FBXL19: variants seen among roughly 807,000 people sequenced by gnomAD.
The protein encoded by FBXL19 is F-box/LRR-repeat protein 19.
In FBXL19, 16 loss-of-function variants were observed where a neutral mutation model predicts 71.2. That is an observed-to-expected ratio of 0.22 (90% CI 0.15 to 0.34). The LOEUF (loss-of-function observed/expected upper bound fraction) is 0.34, where lower values mean the gene tolerates loss of function less well. Ranked by LOEUF, FBXL19 falls within the 10% of genes least tolerant of loss-of-function variation. FBXL19 has a pLI of 1.00. For missense variants in FBXL19, 658 were observed against 968.2 expected (o/e 0.68, Z 4.25); for synonymous variants, 447 against 409.4 (o/e 1.09, Z -1.11).
At chr16:30,933,696 C>A (rs2055700022) in intron 7 of FBXL19, among the ~76,000 whole-genome samples, 1 of 151,888 alleles carries the variant, frequency 6.6e-6, no homozygotes, top group Non-Finnish European at 1.5e-5. Flanking sequence ...AGTGATCCTT[C>A]CACCTTGGCC....
chr16:30,939,772 G>C (rs1403657599), intron 7 of FBXL19, among the ~76,000 whole-genome samples: 1 of 151,988 alleles, frequency 6.6e-6, no homozygotes, highest in South Asian at 2.1e-4. Flanking sequence ...ATCATGTTAC[G>C]CAGATAAGTG....
rs971858687 is a variant in FBXL19 at position 30,948,684 on chromosome 16, G to C, written c.*1454G>C. 1.8e-4 allele frequency: 27 copies of C among 152,322 alleles called. 1 individual carries two copies. The highest frequency in any genetic ancestry group is 7.2e-4 in the Admixed American group (11 of 15,288). The allele number at this position is 152,322 out of a possible 1,614,324, so 9.4% of individuals were successfully genotyped here. On this transcript the variant is annotated 3_prime_UTR_variant, in exon 11 of 11. Transcript: ENST00000338343. ...GGCCGCTTGGGGGAGGGAAGAGGCAGCCCGGCGAGGGGCAAGCGGGGGACC... is the reference window on the plus strand; with the variant it reads ...GGCCGCTTGGGGGAGGGAAGAGGCACCCCGGCGAGGGGCAAGCGGGGGACC...
chr16:30,944,559 A>T (rs1047742496), intron 9 of FBXL19, among the ~76,000 whole-genome samples: 1 of 152,056 alleles, frequency 6.6e-6, no homozygotes, highest in African/African-American at 2.4e-5. Flanking sequence ...CATGGTGTAT[A>T]TGTACCACAT....
chr16:30,928,396 C>G (rs2072068330), intron 5 of FBXL19, 71 bp from the exon 6 acceptor site: 1 of 1,428,362 alleles, frequency 7.0e-7, no homozygotes, highest in Non-Finnish European at 9.3e-7. Flanking sequence ...GGGCATGGAC[C>G]TTAGATTTCT....
At chr16:30,939,860 G>A (rs2055782311) in intron 7 of FBXL19, among the ~76,000 whole-genome samples, 1 of 152,086 alleles carries the variant, frequency 6.6e-6, no homozygotes, top group Admixed American at 6.6e-5. Flanking sequence ...GAGTCATGAG[G>A]GCAGGGAGGG....
At chr16:30,945,828 A>AGAGCAAGAC (rs914063752) in intron 9 of FBXL19, among the ~76,000 whole-genome samples, 1 of 143,792 alleles carries the variant, frequency 7.0e-6, no homozygotes, top group African/African-American at 2.7e-5. Flanking sequence ...CCTGGGTGAC[A>AGAGCAAGAC]GAGCAAGACT....
chr16:30,923,035 G>A (rs2055540769), upstream of FBXL19: 1 of 456,880 alleles, frequency 2.2e-6, no homozygotes, highest in Non-Finnish European at 4.4e-6. Flanking sequence ...TACTAGTCAG[G>A]TGTATGTCCC....
In FBXL19 at chr16:30,942,346, C is replaced by T. The variant is rs1349033844; in HGVS notation, c.1466-29C>T. 4 of 1,605,638 alleles carry T rather than the reference C, an allele frequency of 2.5e-6. No homozygotes were observed. The highest frequency in any genetic ancestry group is 2.7e-5 in the African/African-American group (2 of 74,932). ...GGCCTGGGATGGAGTCCTCACAGCACCTGCTTCCTGACTGCCCCCTCTCCG... is the reference window on the plus strand; with the variant it reads ...GGCCTGGGATGGAGTCCTCACAGCATCTGCTTCCTGACTGCCCCCTCTCCG... On this transcript the variant is annotated intron_variant, in intron 8 of 10. Transcript: ENST00000338343. This position sits in a 1 kb window ranked among gnomAD's most constrained non-coding sequence, Gnocchi z 5.7.
chr16:30,944,968 C>G (rs2055842969), intron 9 of FBXL19, among the ~76,000 whole-genome samples: 1 of 152,186 alleles, frequency 6.6e-6, no homozygotes, highest in Non-Finnish European at 1.5e-5. Flanking sequence ...CCACCCAGCT[C>G]CCCTCAGTCA....
chr16:30,925,642 T>C lies in FBXL19; in HGVS notation c.-24-89T>C. On this transcript the variant is annotated intron_variant, in intron 1 of 10. Coordinates refer to ENST00000338343, the MANE Select transcript of FBXL19 (RefSeq NM_001382779.1). This position sits in a 1 kb window ranked among gnomAD's most constrained non-coding sequence, Gnocchi z 5.0. ...TCCCCCTGAGGAAGAGGGCAGGCTC[T>C]AGCTGCCTGTAGGTGGAGGGACCTG... 7.5e-7 allele frequency: 1 copy of C among 1,334,230 alleles called. No homozygotes were observed. The highest frequency in any genetic ancestry group is 9.6e-7 in the Non-Finnish European group (1 of 1,037,284). 82.6% of individuals were successfully genotyped at this position (1,334,230 alleles called of 1,614,324 possible). A position where few individuals can be genotyped will look rare whatever the true frequency, so the allele number is the denominator to read the frequency against.
In FBXL19 at chr16:30,930,122, C is replaced by T. The variant is rs565184862; in HGVS notation, c.839C>T (p.Pro280Leu). 23 of 1,613,572 alleles carry T rather than the reference C, an allele frequency of 1.4e-5. 1 individual carries two copies. In the East Asian group the frequency reaches 2.5e-4, roughly 17 times the overall value. The change falls in exon 7 of 11, where the codon CCG becomes CTG. Residue 280 changes from proline (P) to leucine (L), a missense_variant. Around this residue, in one of 8 missense-constraint regions of FBXL19, gnomAD observed 447 missense variants for 515.4 expected, o/e 0.87. Coordinates refer to ENST00000338343, the MANE Select transcript of FBXL19 (RefSeq NM_001382779.1). The surrounding 1 kb of genome is among the most constrained non-coding windows in gnomAD (Gnocchi z 8.5). ...GCAGAGGGCCCAGCGGTGCCGTCCC[C>T]GTCCCCGCAGAGGGAGAAGCTAGAG... ...ASAEGPAVPSPSPQREKLERF... is the reference protein window; with the variant it reads ...ASAEGPAVPSLSPQREKLERF...
In FBXL19 at chr16:30,947,580, T is replaced by C. The variant is rs1271961184; in HGVS notation, c.*350T>C. On this transcript the variant is annotated 3_prime_UTR_variant, in exon 11 of 11. Coordinates refer to ENST00000338343, the MANE Select transcript of FBXL19 (RefSeq NM_001382779.1). ...ATGGGGAAAGGACACACACAGGATATGGGAGCCAGGGGCTGGGGGAGGTGG... is the reference window on the plus strand; with the variant it reads ...ATGGGGAAAGGACACACACAGGATACGGGAGCCAGGGGCTGGGGGAGGTGG... 2 of 251,138 alleles carry C rather than the reference T, an allele frequency of 8.0e-6. No individual in the cohort carries two copies. The highest frequency in any genetic ancestry group is 7.1e-5 in the Admixed American group (1 of 14,020). 15.6% of individuals were successfully genotyped at this position (251,138 alleles called of 1,614,324 possible).
rs2055663097 is a variant in FBXL19, at chr16:30,930,671, G to T, written c.1301+87G>T. The T allele has an allele frequency of 7.4e-7, 1 of 1,350,890 alleles. No individual in the cohort carries two copies. The highest frequency in any genetic ancestry group is 3.4e-5 in the Admixed American group (1 of 28,986). 83.7% of individuals were successfully genotyped at this position (1,350,890 alleles called of 1,614,324 possible). A position where few individuals can be genotyped will look rare whatever the true frequency, so the allele number is the denominator to read the frequency against. ...TGCGGTAGGTCTCTGGCCCTCTCTG[G>T]GCCTTGCTTTTATATTGGGGATACT... is the stretch of plus-strand genomic sequence containing the variant. On this transcript the variant is annotated intron_variant, in intron 7 of 10. Coordinates refer to ENST00000338343, the MANE Select transcript of FBXL19 (RefSeq NM_001382779.1). The surrounding 1 kb of genome is among the most constrained non-coding windows in gnomAD (Gnocchi z 8.5).
Position 30,925,028 on chromosome 16 carries a change from C to A in FBXL19, c.-25+569C>A, listed in dbSNP as rs2055574083. Among the ~76,000 whole-genome samples, 1 of 152,144 alleles carries A rather than the reference C, an allele frequency of 6.6e-6. No homozygotes were observed. Among genetic ancestry groups the A allele is most frequent in the Non-Finnish European group, 1.5e-5 (1 of 68,018 alleles). On this transcript the variant is annotated intron_variant, in intron 1 of 10. Transcript: ENST00000338343. This position sits in a 1 kb window ranked among gnomAD's most constrained non-coding sequence, Gnocchi z 5.0. ...GAGGAGGGTGTCCTGGAGGAGGGAA[C>A]CCTGTGGGGAACAAGAGGGGCTGAG...
chr16:30,933,906 C>T (rs1251388344), intron 7 of FBXL19, among the ~76,000 whole-genome samples: 1 of 152,030 alleles, frequency 6.6e-6, no homozygotes, highest in East Asian at 1.9e-4. Context: ...ACATGCGCCA[C>T]TATGCCTGGC....
Position 30,930,390 on chromosome 16 carries a change from C to A in FBXL19, c.1107C>A (p.Ala369=). ...TACTCAGCTGGCCCCTGGGCCCAGC[C>A]CCACCACCCCGGCCTCCACAGCTGG... The part of the protein sequence containing the change: ...GPLLSWPLGP[A]PPPRPPQLER... Residue 369 remains alanine, a synonymous_variant, in exon 7 of 11, where the codon GCC becomes GCA. Coordinates refer to ENST00000338343, the MANE Select transcript of FBXL19 (RefSeq NM_001382779.1). The surrounding 1 kb of genome is among the most constrained non-coding windows in gnomAD (Gnocchi z 8.5). 6.5e-7 allele frequency: 1 copy of A among 1,534,662 alleles called. No homozygotes were observed. Among genetic ancestry groups the A allele is most frequent in the Non-Finnish European group, 8.7e-7 (1 of 1,146,168 alleles).
intron 6 of FBXL19, 141 bp downstream of exon 6, chr16:30,928,769 T>A: frequency 1.4e-5 from 1 of 71,934 alleles, no homozygotes; most frequent in Non-Finnish European, 2.5e-5. Flanking sequence ...ACACCTGGGA[T>A]GAGTTGGGTG....
In FBXL19 at chr16:30,942,157, G is replaced by T; in HGVS notation, c.1343G>T (p.Arg448Leu). The T allele has an allele frequency of 6.3e-7, 1 of 1,599,136 alleles. No individual in the cohort carries two copies. Among genetic ancestry groups the T allele is most frequent in the Non-Finnish European group, 8.5e-7 (1 of 1,172,492 alleles). The change falls in exon 8 of 11, where the codon CGG (arginine) becomes CTG (leucine). Residue 448 changes from arginine (R) to leucine (L), a missense_variant. Coordinates refer to ENST00000338343, the MANE Select transcript of FBXL19 (RefSeq NM_001382779.1). The surrounding 1 kb of genome is among the most constrained non-coding windows in gnomAD (Gnocchi z 5.7). ...KRLWPRMDLS[R>L]RKSLTPPMLS... ...CTGTGGCCTCGAATGGACCTGAGCC[G>T]GCGGAAGTCACTGACCCCGCCCATG... is the stretch of plus-strand genomic sequence containing the variant.
chr16:30,925,616 G>T lies in FBXL19; in HGVS notation c.-24-115G>T. On this transcript the variant is annotated intron_variant, in intron 1 of 10. Transcript: ENST00000338343. The surrounding 1 kb of genome is among the most constrained non-coding windows in gnomAD (Gnocchi z 5.0). ...ATACACAGAAGGGGGTGACCTCCTT[G>T]TCCCCCTGAGGAAGAGGGCAGGCTC... is the stretch of plus-strand genomic sequence containing the variant. 8.5e-7 allele frequency: 1 copy of T among 1,173,430 alleles called. No homozygotes were observed. Among genetic ancestry groups the T allele is most frequent in the Non-Finnish European group, 1.1e-6 (1 of 897,110 alleles). The allele number at this position is 1,173,430 out of a possible 1,614,324, so 72.7% of individuals were successfully genotyped here. A position where few individuals can be genotyped will look rare whatever the true frequency, so the allele number is the denominator to read the frequency against.
Sources: gnomAD v4.1 joint callset for allele counts (sites outside exome capture counted in the v4.1 genomes callset) on GRCh38, gnomAD v4.1.1 for gene constraint, gnomAD v4.1.1 regional missense constraint, Gnocchi (gnomAD v3.1) non-coding constraint, MANE v1.5 for transcripts, NCBI Gene and HGNC (gene_info 2026-07-23, HGNC 2026-07-21) for gene names.